Variants in GRIN2A observed in about 807,000 individuals in gnomAD.
GRIN2A encodes glutamate ionotropic receptor NMDA type subunit 2A.
A neutral mutation model predicts 113.4 loss-of-function variants in GRIN2A; 22 were observed. The observed-to-expected ratio is 0.19, with a 90% CI of 0.14 to 0.28. The LOEUF (loss-of-function observed/expected upper bound fraction) is 0.28. Ranked by LOEUF, GRIN2A falls within the 10% of genes least tolerant of loss-of-function variation. GRIN2A has a pLI of 1.00. For synonymous variants in GRIN2A, 827 were observed against 738.4 expected (o/e 1.12, Z -1.94); for missense variants, 1,502 against 1,887.0 (o/e 0.80, Z 3.78).
chr16:9,926,634 G>C (rs185070828), intron 3 of GRIN2A, among the ~76,000 whole-genome samples: 1 of 152,100 alleles, frequency 6.6e-6, no homozygotes, highest in Non-Finnish European at 1.5e-5. Flanking sequence ...ACATAATGAT[G>C]ATTATGATAA....
Position 10,175,809 on chromosome 16 carries a change from G to C in GRIN2A, c.414+4189C>G, listed in dbSNP as rs541403725. Among the ~76,000 whole-genome samples the C allele has an allele frequency of 1.2e-3, 176 of 152,186 alleles. 1 individual carries two copies. Among genetic ancestry groups the C allele is most frequent in the Admixed American group, 5.2e-3 (79 of 15,292 alleles). ...TTAGGAATATGGGGAGAAGTGATGG[G>C]GGGTGAGAGGGTTAAGGACACTGAG... On this transcript the variant is annotated intron_variant, in intron 2 of 12. Transcript: ENST00000330684.
intron 2 of GRIN2A, among the ~76,000 whole-genome samples, chr16:10,064,584 T>C (rs1221494724): frequency 6.6e-6 from 1 of 152,228 alleles, no homozygotes; most frequent in Non-Finnish European, 1.5e-5. Flanking sequence ...TTGATAAACA[T>C]TTTTAACCTC....
chr16:9,955,608 T>G (rs2045288252), intron 2 of GRIN2A, among the ~76,000 whole-genome samples: 1 of 152,244 alleles, frequency 6.6e-6, no homozygotes, highest in African/African-American at 2.4e-5. Flanking sequence ...ACTGCTTTCA[T>G]GAATGTATGT....
chr16:9,847,258 T>G (rs914566511), intron 5 of GRIN2A, among the ~76,000 whole-genome samples: 27 of 152,050 alleles, frequency 1.8e-4, no homozygotes, highest in African/African-American at 6.0e-4. Flanking sequence ...ATAATTATTT[T>G]TAAAAAGACT....
At chr16:9,995,267 C>G (rs991716035) in intron 2 of GRIN2A, among the ~76,000 whole-genome samples, 3 of 152,116 alleles carry the variant, frequency 2.0e-5, no homozygotes, top group African/African-American at 7.2e-5. Flanking sequence ...CTAAGCCCAT[C>G]TAAGACACAA....
chr16:10,167,183 G>T (rs1305648369), intron 2 of GRIN2A, among the ~76,000 whole-genome samples: 1 of 152,098 alleles, frequency 6.6e-6, no homozygotes, highest in Non-Finnish European at 1.5e-5. Flanking sequence ...GTTTCAGAGG[G>T]TCTGTGATCC....
chr16:9,914,716 C>T (rs1318913995), intron 3 of GRIN2A, among the ~76,000 whole-genome samples: 1 of 151,928 alleles, frequency 6.6e-6, no homozygotes, highest in Non-Finnish European at 1.5e-5. Flanking sequence ...TGAAACTTGC[C>T]ATTAAGGCTA....
At chr16:10,069,913 G>C (rs184241045) in intron 2 of GRIN2A, among the ~76,000 whole-genome samples, 133 of 152,284 alleles carry the variant, frequency 8.7e-4, no homozygotes, top group Non-Finnish European at 1.5e-3. Flanking sequence ...AGAAAGACCT[G>C]GGAAGGAACA....
At chr16:10,117,927 C>T (rs930630169) in intron 2 of GRIN2A, among the ~76,000 whole-genome samples, 8 of 152,144 alleles carry the variant, frequency 5.3e-5, no homozygotes, top group Admixed American at 3.3e-4. Flanking sequence ...GACTGGGCAC[C>T]CCTTGTGCTA....
intron 3 of GRIN2A, among the ~76,000 whole-genome samples, chr16:9,926,045 C>A (rs2044457490): frequency 6.6e-6 from 1 of 152,184 alleles, no homozygotes; most frequent in Non-Finnish European, 1.5e-5. Context: ...GTCATAACGC[C>A]ACTGCACACC....
At chr16:10,170,049 A>G (rs1052331082) in intron 2 of GRIN2A, among the ~76,000 whole-genome samples, 1 of 152,212 alleles carries the variant, frequency 6.6e-6, no homozygotes, top group Non-Finnish European at 1.5e-5. Flanking sequence ...AAATGTATGA[A>G]TCACCCTAGA....
chr16:10,111,683 C>A (rs1596517966), intron 2 of GRIN2A: 2 of 1,569,298 alleles, frequency 1.3e-6, no homozygotes, highest in Non-Finnish European at 8.7e-7. Context: ...GAGTTCCAGG[C>A]CAACGAGGTG....
At chr16:10,062,118 G>A (rs78023632) in intron 2 of GRIN2A, among the ~76,000 whole-genome samples, 6 of 152,220 alleles carry the variant, frequency 3.9e-5, no homozygotes, top group East Asian at 1.9e-4. Flanking sequence ...ACCCAGGTCC[G>A]GTACTTGCTG....
intron 2 of GRIN2A, chr16:10,111,710 T>C: frequency 6.4e-7 from 1 of 1,552,830 alleles, no homozygotes; most frequent in Non-Finnish European, 8.9e-7. Flanking sequence ...GTCAAGAAGT[T>C]TGAACAGGGC....
intron 2 of GRIN2A, among the ~76,000 whole-genome samples, chr16:10,013,545 A>G (rs1420084046): frequency 1.3e-5 from 2 of 152,130 alleles, no homozygotes; most frequent in African/African-American, 4.8e-5. Flanking sequence ...AGCCCTTCGT[A>G]TGTTTGAAGA....
At chr16:9,997,949 G>T (rs1313716060) in intron 2 of GRIN2A, among the ~76,000 whole-genome samples, 1 of 152,024 alleles carries the variant, frequency 6.6e-6, no homozygotes, top group Non-Finnish European at 1.5e-5. Context: ...CTTTTTCTTT[G>T]TAAATTACCC....
rs1900725161 is a variant in GRIN2A, at chr16:9,763,933, C to G, written c.3611G>C (p.Ser1204Thr). The part of the protein sequence containing the change: ...KDKGSPHSET[S>T]ERYRQNSTHC... Reference sequence around the variant, plus strand: ...CGTGGAGTTCTGCCGGTATCGCTCGCTGGTCTCACTGTGCGGGGAACCCTT... The same window carrying G: ...CGTGGAGTTCTGCCGGTATCGCTCGGTGGTCTCACTGTGCGGGGAACCCTT... Residue 1204 changes from serine (S) to threonine (T), a missense_variant, in exon 13 of 13, where the codon AGC (serine) becomes ACC (threonine). By Grantham distance (58) the Ser-to-Thr change is moderately conservative (BLOSUM62 1). This residue lies in a region of GRIN2A where 832 missense variants were observed against 789.7 expected (regional missense o/e 1.05). Transcript: ENST00000330684. The G allele has an allele frequency of 6.2e-7, 1 of 1,614,118 alleles. No homozygotes were observed. The highest frequency in any genetic ancestry group is 8.5e-7 in the Non-Finnish European group (1 of 1,180,020).
intron 2 of GRIN2A, among the ~76,000 whole-genome samples, chr16:10,159,989 A>G (rs1372698767): frequency 6.6e-6 from 1 of 152,222 alleles, no homozygotes; most frequent in Non-Finnish European, 1.5e-5. Flanking sequence ...AGTAAAGGAA[A>G]GGAAACAGAC....
chr16:9,843,868 A>T (rs2042725894), intron 5 of GRIN2A, among the ~76,000 whole-genome samples: 1 of 152,184 alleles, frequency 6.6e-6, no homozygotes, highest in African/African-American at 2.4e-5. Flanking sequence ...GTTGGGCTAG[A>T]GTTAAAACTG....
Sources: gnomAD v4.1 joint callset for allele counts (sites outside exome capture counted in the v4.1 genomes callset) on GRCh38, gnomAD v4.1.1 for gene constraint, gnomAD v4.1.1 regional missense constraint, MANE v1.5 for transcripts, NCBI Gene and HGNC (gene_info 2026-07-23, HGNC 2026-07-21) for gene names.